Variants in KRT83 observed in about 807,000 individuals in gnomAD.
KRT83 encodes keratin 83, also known as keratin, type II cuticular Hb3.
A neutral mutation model predicts 52.9 loss-of-function variants in KRT83; 51 were observed. The observed-to-expected ratio is 0.96, with a 90% CI of 0.77 to 1.22. KRT83 has a LOEUF of 1.22. Among genes scored for constraint, KRT83 ranks in the 50% most tolerant of loss-of-function variants. The probability of loss-of-function intolerance (pLI) is 0.00; values close to 1 mark genes in which losing one functional copy is unlikely to be tolerated. For missense variants in KRT83, 654 were observed against 666.5 expected, an observed-to-expected ratio of 0.98 and a Z score of 0.21; for synonymous variants, 278 against 274.1, an observed-to-expected ratio of 1.01 and a Z score of -0.14.
chr12:52,317,838 G>A (rs1310418732), intron 3 of KRT83, 62 bp from the exon 4 acceptor site: 1 of 1,611,852 alleles, frequency 6.2e-7, no homozygotes, highest in Admixed American at 1.7e-5. Flanking sequence ...GGACCTGGCT[G>A]CCATGTGGCA....
At chr12:52,319,415 C>A (rs1565756283) in intron 1 of KRT83, 51 bp from the exon 2 acceptor site, 2 of 1,611,474 alleles carry the variant, frequency 1.2e-6, no homozygotes, top group Non-Finnish European at 1.7e-6. Context: ...CATCAGAGGA[C>A]AAAGAGGGGT....
chr12:52,315,220 A>G, intron 8 of KRT83, 92 bp downstream of exon 8: 1 of 1,330,654 alleles, frequency 7.5e-7, no homozygotes, highest in Non-Finnish European at 1.1e-6. Context: ...AATTATTGGA[A>G]ACACTCCTCC....
intron 1 of KRT83, 61 bp from the exon 2 acceptor site, chr12:52,319,425 T>C: frequency 6.2e-7 from 1 of 1,607,836 alleles, no homozygotes; most frequent in Non-Finnish European, 8.5e-7. Flanking sequence ...CAAAGAGGGG[T>C]TCCCAGCACG....
In KRT83 at chr12:52,314,545, G is replaced by T; in HGVS notation, c.*86C>A. The T allele has an allele frequency of 8.0e-7, 1 of 1,256,906 alleles. No homozygotes were observed. The highest frequency in any genetic ancestry group is 1.1e-6 in the Non-Finnish European group (1 of 880,254). The allele number at this position is 1,256,906 out of a possible 1,614,324, so 77.9% of individuals were successfully genotyped here. A position where few individuals can be genotyped will look rare whatever the true frequency, so the allele number is the denominator to read the frequency against. ...TCTCAGAACACAAGGGGAAAAGCCAGCGATGTGCTGCTGTTTTCAGCTGGT... is the reference window on the plus strand; with the variant it reads ...TCTCAGAACACAAGGGGAAAAGCCATCGATGTGCTGCTGTTTTCAGCTGGT... On this transcript the variant is annotated 3_prime_UTR_variant, in exon 9 of 9. Coordinates refer to ENST00000293670, the MANE Select transcript of KRT83 (RefSeq NM_002282.3).
Position 52,315,988 on chromosome 12 carries a change from G to C in KRT83, c.1167C>G (p.Cys389Trp). ...ALQKAKQDMA[C>W]LIREYQEVMN... ...TCACCTCCTGGTACTCCCTGATCAGGCAGGCCATGTCTTGCTTGGCCTTCT... is the reference window on the plus strand; with the variant it reads ...TCACCTCCTGGTACTCCCTGATCAGCCAGGCCATGTCTTGCTTGGCCTTCT... Residue 389 changes from cysteine (C) to tryptophan (W), a missense_variant, in exon 7 of 9, where the codon TGC becomes TGG. Coordinates refer to ENST00000293670, the MANE Select transcript of KRT83 (RefSeq NM_002282.3). 1 of 1,613,242 alleles carries C rather than the reference G, an allele frequency of 6.2e-7. No individual in the cohort carries two copies.
intron 4 of KRT83, among the ~76,000 whole-genome samples, chr12:52,317,305 T>C (rs1938702797): frequency 6.6e-6 from 1 of 152,146 alleles, no homozygotes; most frequent in South Asian, 2.1e-4. Flanking sequence ...CTCTTTCCAT[T>C]CTCCTAGACC....
At chr12:52,318,740 T>C (rs1057276519) in intron 2 of KRT83, among the ~76,000 whole-genome samples, 3 of 152,228 alleles carry the variant, frequency 2.0e-5, no homozygotes, top group Non-Finnish European at 4.4e-5. Flanking sequence ...TCCAGCAGAC[T>C]GCAGGCTCCA....
At chr12:52,316,394 T>C (rs1938687311) in intron 6 of KRT83, 74 bp downstream of exon 6, 2 of 1,606,570 alleles carry the variant, frequency 1.2e-6, no homozygotes, top group East Asian at 4.5e-5. Context: ...TTTTCCAGAA[T>C]CTAACTCAAA....
At position 52,316,545 on chromosome 12, in the gene KRT83, G is replaced by A. The variant is rs145387028; in HGVS notation, c.964C>T (p.Arg322Cys). 214 of 1,613,998 alleles carry A rather than the reference G, an allele frequency of 1.3e-4. 3 individuals carry two copies. The South Asian group carries it at 2.0e-3, about 15-fold the overall frequency. The change falls in exon 6 of 9, where the codon CGC (arginine) becomes TGC (cysteine). Residue 322 changes from arginine (R) to cysteine (C), a missense_variant. Coordinates refer to ENST00000293670, the MANE Select transcript of KRT83 (RefSeq NM_002282.3). Reference sequence around the variant, plus strand: ...AGCTCGTTGATCTCCTCCTTGGTGCGGCGCAGGGTCTCCCCGTGCCTGATC... The same window carrying A: ...AGCTCGTTGATCTCCTCCTTGGTGCAGCGCAGGGTCTCCCCGTGCCTGATC... ...TVIRHGETLRRTKEEINELNR... is the reference protein window; with the variant it reads ...TVIRHGETLRCTKEEINELNR...
Position 52,321,197 on chromosome 12 carries a change from T to C in KRT83, c.139A>G (p.Thr47Ala), listed in dbSNP as rs781009358. Residue 47 changes from threonine (T) to alanine (A), a missense_variant, in exon 1 of 9, where the codon ACC becomes GCC. Physicochemically the swap from Thr to Ala is moderately conservative, Grantham distance 58. Coordinates refer to ENST00000293670, the MANE Select transcript of KRT83 (RefSeq NM_002282.3). ...YRGISCYRGLTGGFGSHSVCG... is the reference protein window; with the variant it reads ...YRGISCYRGLAGGFGSHSVCG... ...ACGCTGTGGCTGCCAAAGCCCCCGG[T>C]GAGGCCGCGGTAGCAGGAGATGCCG... The C allele has an allele frequency of 6.2e-7, 1 of 1,612,890 alleles. No homozygotes were observed. The highest frequency in any genetic ancestry group is 1.3e-5 in the African/African-American group (1 of 74,918).
intron 1 of KRT83, 107 bp from the exon 2 acceptor site, chr12:52,319,471 C>T (rs1327052129): frequency 2.7e-6 from 4 of 1,494,404 alleles, no homozygotes; most frequent in Non-Finnish European, 3.7e-6. Context: ...GACCCAGAGT[C>T]TTCCCTGGAA....
rs1267652716 is a variant in KRT83 at position 52,317,845 on chromosome 12, G to T, written c.654+65C>A. 1.9e-6 allele frequency: 3 copies of T among 1,610,914 alleles called. No individual in the cohort carries two copies. In the East Asian group the frequency reaches 6.7e-5, roughly 36 times the overall value. On this transcript the variant is annotated intron_variant, in intron 3 of 8. Transcript: ENST00000293670. ...GGCTCTGAGGACCTGGCTGCCATGT[G>T]GCAGGACAAAGAGGATGGGTGGCGG...
At chr12:52,315,506 G>A (rs1251054070) in intron 7 of KRT83, among the ~76,000 whole-genome samples, 163 bp from the exon 8 acceptor site, 2 of 152,220 alleles carry the variant, frequency 1.3e-5, no homozygotes, top group Admixed American at 6.5e-5. Flanking sequence ...TTGAAGCAAC[G>A]TCAGGTCACA....
chr12:52,321,205 C>A lies in KRT83; in HGVS notation c.131G>T (p.Arg44Leu). The stretch of plus-strand genomic sequence containing the variant: ...GCTGCCAAAGCCCCCGGTGAGGCCG[C>A]GGTAGCAGGAGATGCCGCGGTAGGG... Reference protein sequence around the residue: ...AAPYRGISCYRGLTGGFGSHS... With the variant: ...AAPYRGISCYLGLTGGFGSHS... The change falls in exon 1 of 9, where the codon CGC becomes CTC. Residue 44 changes from arginine (R) to leucine (L), a missense_variant. Physicochemically the swap from Arg to Leu is moderately radical, Grantham distance 102. Coordinates refer to ENST00000293670, the MANE Select transcript of KRT83 (RefSeq NM_002282.3). The A allele has an allele frequency of 6.2e-7, 1 of 1,613,202 alleles. No individual in the cohort carries two copies.
chr12:52,319,334 G>A lies in KRT83; in HGVS notation c.415C>T (p.Leu139=). The A allele has an allele frequency of 6.2e-7, 1 of 1,614,060 alleles. No individual in the cohort carries two copies. Among genetic ancestry groups the A allele is most frequent in the Non-Finnish European group, 8.5e-7 (1 of 1,179,918 alleles). The change falls in exon 2 of 9, where the codon CTG becomes TTG. Residue 139 remains leucine, a synonymous_variant. Transcript: ENST00000293670. ...TGGTAGAACTGCAGCTTTGTCTCCAGCAGCTTGTTCTGCTGCTCCAGGAAG... is the reference window on the plus strand; with the variant it reads ...TGGTAGAACTGCAGCTTTGTCTCCAACAGCTTGTTCTGCTGCTCCAGGAAG... ...VRFLEQQNKL[L]ETKLQFYQNR... is the part of the protein sequence containing the mutation.
rs367720277 is a variant in KRT83, at chr12:52,316,880, G to A, written c.894C>T (p.Ala298=). ...DDIATRSRAE[A]ESWYRSKCEE... ...TCACCTTGCTGCGATACCAGGACTC[G>A]GCCTCAGCCCGGCTACGGGTGGCAA... Residue 298 remains alanine, a synonymous_variant, in exon 5 of 9, where the codon GCC becomes GCT. Coordinates refer to ENST00000293670, the MANE Select transcript of KRT83 (RefSeq NM_002282.3). 531 of 1,613,996 alleles carry A rather than the reference G, an allele frequency of 3.3e-4. No homozygotes were observed. The highest frequency in any genetic ancestry group is 4.4e-4 in the Non-Finnish European group (521 of 1,180,032).
intron 1 of KRT83, among the ~76,000 whole-genome samples, chr12:52,320,261 TGTTCCTA>T (rs1357266363): frequency 6.6e-6 from 1 of 152,196 alleles, no homozygotes; most frequent in East Asian, 1.9e-4. Context: ...CCCCAGAACA[TGTTCCTA>T]GTCAGAGCCT....
intron 2 of KRT83, 77 bp from the exon 3 acceptor site, chr12:52,318,047 T>C: frequency 7.4e-7 from 1 of 1,346,040 alleles, no homozygotes; most frequent in Non-Finnish European, 1.1e-6. Context: ...CAAAGGAGTC[T>C]CTTTCCTAGA....
At position 52,314,744 on chromosome 12, in the gene KRT83, C is replaced by T. The variant is rs541952851; in HGVS notation, c.1369G>A (p.Val457Ile). 143 of 1,597,460 alleles carry T rather than the reference C, an allele frequency of 9.0e-5. 1 individual carries two copies. The highest frequency in any genetic ancestry group is 7.6e-4 in the South Asian group (67 of 87,628). The change falls in exon 9 of 9, where the codon GTC (valine) becomes ATC (isoleucine). Residue 457 changes from valine (V) to isoleucine (I), a missense_variant. By Grantham distance (29) the Val-to-Ile change is conservative. Coordinates refer to ENST00000293670, the MANE Select transcript of KRT83 (RefSeq NM_002282.3). ...VSGSRPVTGSVCSAPCNGNLV... is the reference protein window; with the variant it reads ...VSGSRPVTGSICSAPCNGNLV... ...TTCCCGTTGCAGGGGGCACTGCAGA[C>T]GCTGCCCGTCACCGGCCGGGAGCCC...
Sources: allele counts gnomAD v4.1 joint callset (sites outside exome capture counted in the v4.1 genomes callset), GRCh38; gene constraint gnomAD v4.1.1; transcripts MANE v1.5; gene names NCBI Gene and HGNC (gene_info 2026-07-23, HGNC 2026-07-21).